TAFA2: variants seen among roughly 807,000 people sequenced by gnomAD.
The protein encoded by TAFA2 is TAFA chemokine like family member 2.
Under a neutral mutation model 18.8 loss-of-function variants are expected in TAFA2, and 7 were observed. The ratio of observed to expected loss-of-function variants is 0.37; its 90% CI spans 0.21 to 0.70. The LOEUF (loss-of-function observed/expected upper bound fraction) is 0.70, where lower values mean the gene tolerates loss of function less well. Ranked by LOEUF, TAFA2 falls within the 30% of genes least tolerant of loss-of-function variation. The pLI, the probability that TAFA2 is intolerant of heterozygous loss-of-function variation, is 0.53. For missense variants in TAFA2, 122 were observed against 158.1 expected (o/e 0.77, Z 1.23); for synonymous variants, 60 against 54.2 (o/e 1.11, Z -0.47).
intron 1 of TAFA2, among the ~76,000 whole-genome samples, chr12:61,936,323 T>C (rs1246048571): frequency 6.6e-6 from 1 of 152,076 alleles, no homozygotes; most frequent in East Asian, 1.9e-4. Context: ...TCCCAGCACT[T>C]TGGGAGGCTG....
At chr12:62,086,498 A>T (rs1396931763) in intron 1 of TAFA2, among the ~76,000 whole-genome samples, 2 of 152,278 alleles carry the variant, frequency 1.3e-5, no homozygotes, top group Admixed American at 1.3e-4. Context: ...TTGAATAGAG[A>T]TTTCTTCAAA....
intron 1 of TAFA2, among the ~76,000 whole-genome samples, chr12:62,183,251 G>T (rs2062563762): frequency 2.0e-5 from 3 of 152,172 alleles, no homozygotes; most frequent in Admixed American, 2.0e-4. Context: ...AAGATGGTGG[G>T]TGTCTACAAG....
rs2062856059 is a variant in TAFA2, at chr12:62,240,184, C to T, written c.-130+18579G>A. Among the ~76,000 whole-genome samples, 3 of 151,940 alleles carry T rather than the reference C, an allele frequency of 2.0e-5. No homozygotes were observed. The South Asian group carries it at 6.2e-4, about 31-fold the overall frequency. ...CTGTAATCCCAGCACTCTGGGAGGC[C>T]GATGTGGGCGGATCACCTGAGGTCA... On this transcript the variant is annotated intron_variant, in intron 1 of 5. Coordinates refer to the TAFA2 transcript ENST00000551619.
intron 1 of TAFA2, among the ~76,000 whole-genome samples, chr12:61,886,579 C>T (rs1875390880): frequency 6.6e-6 from 1 of 152,166 alleles, no homozygotes; most frequent in East Asian, 1.9e-4. Context: ...ACAAGTTAGG[C>T]CTGATTCCAG....
intron 1 of TAFA2, among the ~76,000 whole-genome samples, chr12:62,203,495 A>T (rs2062680064): frequency 6.6e-6 from 1 of 152,158 alleles, no homozygotes; most frequent in African/African-American, 2.4e-5. Context: ...GGTCTCTAAG[A>T]ATTTGTTTTA....
In TAFA2 at chr12:61,829,245, T is replaced by C. The variant is rs188037530; in HGVS notation, c.106+38075A>G. On this transcript the variant is annotated intron_variant, in intron 2 of 4. Transcript: ENST00000416284. ...ACCTTGATTTTAAGCCTAAATCTGC[T>C]TTTAGGTTTGAGTGTTAGCCATGGA... Among the ~76,000 whole-genome samples, 1,065 of 151,852 alleles carry C rather than the reference T, an allele frequency of 7.0e-3. 12 individuals are homozygous for C. Among genetic ancestry groups the C allele is most frequent in the African/African-American group, 0.023 (957 of 41,530 alleles).
chr12:62,049,165 T>C (rs1243064882), intron 1 of TAFA2, among the ~76,000 whole-genome samples: 8 of 152,208 alleles, frequency 5.3e-5, no homozygotes, highest in African/African-American at 1.4e-4. Flanking sequence ...ATGGATTTAC[T>C]GAATGAGCCA....
At chr12:61,809,253 C>T (rs189337064) in intron 2 of TAFA2, among the ~76,000 whole-genome samples, 6 of 151,564 alleles carry the variant, frequency 4.0e-5, no homozygotes, top group African/African-American at 1.5e-4. Context: ...AATTATTGAG[C>T]CATTATGAAC....
intron 2 of TAFA2, among the ~76,000 whole-genome samples, chr12:61,841,161 T>A (rs957881233): frequency 6.6e-6 from 1 of 152,042 alleles, no homozygotes; most frequent in Non-Finnish European, 1.5e-5. Flanking sequence ...GAACACTATA[T>A]CCACCATGGA....
upstream of TAFA2, among the ~76,000 whole-genome samples, chr12:62,193,167 GGA>G (rs541569871): frequency 3.7e-4 from 57 of 152,202 alleles, 1 homozygote; most frequent in Non-Finnish European, 1.8e-4. Context: ...GATCATGTTT[GGA>G]GATGAGCAAA....
intron 1 of TAFA2, among the ~76,000 whole-genome samples, chr12:61,955,502 TAA>T (rs1878621546): frequency 7.0e-6 from 1 of 143,884 alleles, no homozygotes. Context: ...CTCAGGAGGC[TAA>T]GACAGGAAAA....
chr12:61,841,129 T>C (rs1873155683), intron 2 of TAFA2, among the ~76,000 whole-genome samples: 1 of 152,046 alleles, frequency 6.6e-6, no homozygotes, highest in Admixed American at 6.6e-5. Flanking sequence ...AGTAGGTGAA[T>C]CTCAGTATAA....
intron 2 of TAFA2, among the ~76,000 whole-genome samples, chr12:61,781,378 A>G (rs910285648): frequency 6.6e-6 from 1 of 151,792 alleles, no homozygotes; most frequent in Admixed American, 6.6e-5. Flanking sequence ...AATCTGAGGT[A>G]TGTTTGACAT....
At chr12:62,216,558 G>A (rs922655668) in intron 1 of TAFA2, among the ~76,000 whole-genome samples, 4 of 152,276 alleles carry the variant, frequency 2.6e-5, no homozygotes, top group Admixed American at 1.3e-4. Context: ...AGGCAAACTC[G>A]ATCAGAAAAG....
chr12:62,153,903 A>G (rs1413990566), intron 1 of TAFA2, among the ~76,000 whole-genome samples: 1 of 144,286 alleles, frequency 6.9e-6, no homozygotes, highest in Non-Finnish European at 1.5e-5. Context: ...GTCTATACAC[A>G]GGCATGAACA....
chr12:61,837,860 GTTCT>G (rs1425710985), intron 2 of TAFA2, among the ~76,000 whole-genome samples: 13 of 152,018 alleles, frequency 8.6e-5, no homozygotes, highest in Non-Finnish European at 1.8e-4. Flanking sequence ...TGTAATTAGG[GTTCT>G]TTAAGAAAAT....
chr12:61,757,953 T>C (rs1869353505), intron 2 of TAFA2, among the ~76,000 whole-genome samples: 1 of 152,082 alleles, frequency 6.6e-6, no homozygotes, highest in African/African-American at 2.4e-5. Context: ...TTATCTATTA[T>C]GCATGGGCAG....
Position 61,744,152 on chromosome 12 carries a change from C to T in TAFA2, c.384+9470G>A, listed in dbSNP as rs114657006. 6.0e-3 allele frequency among the ~76,000 whole-genome samples: 917 copies of T among 152,186 alleles called. 4 individuals are homozygous for T. The highest frequency in any genetic ancestry group is 0.021 in the African/African-American group (868 of 41,534). On this transcript the variant is annotated intron_variant, in intron 4 of 4. Transcript: ENST00000416284. ...AGGTAAGAGACAGAAATATTGCTCT[C>T]GCCACTTAGTTCATAGAACAGAAGC...
intron 1 of TAFA2, among the ~76,000 whole-genome samples, chr12:61,920,899 G>A (rs1332096605): frequency 6.6e-6 from 1 of 151,852 alleles, no homozygotes; most frequent in Non-Finnish European, 1.5e-5. Flanking sequence ...AAGCCCTTAT[G>A]GAAGAGATTC....
Sources: gnomAD v4.1 joint callset for allele counts (sites outside exome capture counted in the v4.1 genomes callset) on GRCh38, gnomAD v4.1.1 for gene constraint, MANE v1.5 for transcripts, NCBI Gene and HGNC (gene_info 2026-07-23, HGNC 2026-07-21) for gene names.